Variants in HDAC8 observed in about 807,000 individuals in gnomAD.
HDAC8 encodes histone deacetylase 8, also known as histone deacetylase-like 1.
A neutral mutation model predicts 32.2 loss-of-function variants in HDAC8; 1 was observed. The ratio of observed to expected loss-of-function variants is 0.03; its 90% CI spans 0.01 to 0.15. HDAC8 has a LOEUF of 0.15. Among genes scored for constraint, HDAC8 ranks in the 10% least tolerant of loss-of-function variants. The pLI, the probability that HDAC8 is intolerant of heterozygous loss-of-function variation, is 1.00. For synonymous variants in HDAC8, 108 were observed against 113.9 expected, an observed-to-expected ratio of 0.95 and a Z score of 0.33; for missense variants, 117 against 300.0, an observed-to-expected ratio of 0.39 and a Z score of 4.51.
intron 9 of HDAC8, chrX:72,377,017 T>C (rs1274164697): frequency 1.8e-5 from 2 of 110,447 alleles, no homozygotes; most frequent in Non-Finnish European, 3.8e-5. Context: ...CAATACCAGG[T>C]TGATGCATGG....
intron 8 of HDAC8, among the ~76,000 whole-genome samples, chrX:72,464,211 C>T (rs1360773897): frequency 8.9e-6 from 1 of 111,736 alleles, no homozygotes; most frequent in Non-Finnish European, 1.9e-5. Flanking sequence ...ATTATTAGAA[C>T]TGAAAATCAA....
intron 9 of HDAC8, among the ~76,000 whole-genome samples, chrX:72,370,830 CTCCTT>C (rs1385752764): frequency 8.9e-6 from 1 of 111,996 alleles, no homozygotes; most frequent in Non-Finnish European, 1.9e-5. Context: ...AGGCCAGTCT[CTCCTT>C]TCACATTTTT....
chrX:72,513,529 T>C (rs1002193613), intron 4 of HDAC8, among the ~76,000 whole-genome samples: 3 of 110,264 alleles, frequency 2.7e-5, no homozygotes, highest in African/African-American at 9.9e-5. Context: ...GGTTCTGCCA[T>C]GTTGGCCAGG....
chrX:72,568,700 T>C, intron 3 of HDAC8, 54 bp downstream of exon 3: 1 of 1,166,977 alleles, frequency 8.6e-7, no homozygotes, highest in Non-Finnish European at 1.2e-6. Flanking sequence ...ATCATACAAG[T>C]TATAAAAAAA....
chrX:72,440,213 C>T (rs1252555231), intron 9 of HDAC8, among the ~76,000 whole-genome samples: 1 of 111,881 alleles, frequency 8.9e-6, no homozygotes, highest in Admixed American at 9.4e-5. Flanking sequence ...ACAACCTGCT[C>T]CTGAATGACT....
At chrX:72,468,326 T>C (rs781875854) in intron 7 of HDAC8, among the ~76,000 whole-genome samples, 2 of 111,125 alleles carry the variant, frequency 1.8e-5, no homozygotes, top group African/African-American at 3.3e-5. Context: ...ATTCTAGTCA[T>C]GATGGCAGCA....
At chrX:72,350,378 C>T (rs1458054151) in intron 10 of HDAC8, among the ~76,000 whole-genome samples, 1 of 111,795 alleles carries the variant, frequency 8.9e-6, no homozygotes, top group Non-Finnish European at 1.9e-5. Context: ...ATTTACTGGG[C>T]TCTGCTAGTG....
At chrX:72,447,273 C>T (rs1414113470) in intron 9 of HDAC8, among the ~76,000 whole-genome samples, 1 of 112,362 alleles carries the variant, frequency 8.9e-6, no homozygotes, top group African/African-American at 3.2e-5. Context: ...GGATGCAACG[C>T]TGGTTCAGCA....
At chrX:72,340,141 A>AT (rs782146534) in intron 10 of HDAC8, among the ~76,000 whole-genome samples, 473 of 111,602 alleles carry the variant, frequency 4.2e-3, no homozygotes, top group Non-Finnish European at 6.8e-3. Context: ...CCTATGATTC[A>AT]TTTTTTCTCC....
rs1603245894 is a variant in HDAC8, at chrX:72,572,428, C to G, written c.111+223G>C. On this transcript the variant is annotated intron_variant, in intron 1 of 10. Coordinates refer to ENST00000373573, the MANE Select transcript of HDAC8 (RefSeq NM_018486.3). ...CTCCCCTCCTCCGTACCCCCTCCCC[C>G]ACTCCTACCTGTCCATTGGACGTCC... 9 of 412,199 alleles carry G rather than the reference C, an allele frequency of 2.2e-5. No homozygotes were observed. In the East Asian group the frequency reaches 3.6e-4, roughly 16 times the overall value. The allele number at this position is 412,199 out of a possible 1,213,427, so 34.0% of individuals were successfully genotyped here.
intron 9 of HDAC8, among the ~76,000 whole-genome samples, chrX:72,369,838 T>C (rs2044816105): frequency 8.8e-6 from 1 of 113,211 alleles, no homozygotes; most frequent in Non-Finnish European, 1.9e-5. Flanking sequence ...TTAGGCATAA[T>C]GATAAGCAGC....
At chrX:72,354,708 C>T (rs976818279) in intron 9 of HDAC8, among the ~76,000 whole-genome samples, 1 of 111,172 alleles carries the variant, frequency 9.0e-6, no homozygotes, top group African/African-American at 3.3e-5. Flanking sequence ...TTTGGGGGTA[C>T]AAGTAGTTTT....
intron 10 of HDAC8, among the ~76,000 whole-genome samples, chrX:72,350,903 G>T (rs1555948611): frequency 8.9e-6 from 1 of 111,816 alleles, no homozygotes; most frequent in Non-Finnish European, 1.9e-5. Flanking sequence ...AGGAGGCTAG[G>T]CCAGCAAGGA....
chrX:72,443,997 A>C (rs1453460261), intron 9 of HDAC8, among the ~76,000 whole-genome samples: 1 of 108,795 alleles, frequency 9.2e-6, no homozygotes, highest in Non-Finnish European at 1.9e-5. Context: ...AAGAAGTTGA[A>C]TCTCTGAATA....
intron 9 of HDAC8, among the ~76,000 whole-genome samples, chrX:72,434,608 A>G (rs1196275580): frequency 8.9e-6 from 1 of 111,923 alleles, no homozygotes; most frequent in Non-Finnish European, 1.9e-5. Context: ...CATAGTACCT[A>G]ATACAGCACC....
At chrX:72,473,748 C>T (rs2048250498) in intron 7 of HDAC8, 1 of 752,921 alleles carries the variant, frequency 1.3e-6, no homozygotes, top group Non-Finnish European at 1.6e-6. Context: ...ACAGCAGATG[C>T]TGTTGCCAAA....
At chrX:72,356,229 A>T (rs782486677) in intron 9 of HDAC8, among the ~76,000 whole-genome samples, 32 of 111,853 alleles carry the variant, frequency 2.9e-4, no homozygotes, top group Non-Finnish European at 4.9e-4. Flanking sequence ...TAGCCTATAC[A>T]CTACCCAGAA....
chrX:72,357,424 A>G (rs1179421747), intron 9 of HDAC8, among the ~76,000 whole-genome samples: 1 of 110,432 alleles, frequency 9.1e-6, no homozygotes, highest in Non-Finnish European at 1.9e-5. Context: ...GGAGCTTACT[A>G]CAGAGTAAGA....
At chrX:72,451,291 G>T (rs1397666680) in intron 9 of HDAC8, among the ~76,000 whole-genome samples, 3 of 110,342 alleles carry the variant, frequency 2.7e-5, no homozygotes, top group Non-Finnish European at 3.8e-5. Flanking sequence ...CTGCCTCCCA[G>T]GTTCAAGTGA....
Sources: gnomAD v4.1 joint callset for allele counts (sites outside exome capture counted in the v4.1 genomes callset) on GRCh38, gnomAD v4.1.1 for gene constraint, MANE v1.5 for transcripts, NCBI Gene and HGNC (gene_info 2026-07-23, HGNC 2026-07-21) for gene names.